CSMD1: variants seen among roughly 807,000 people sequenced by gnomAD.
CSMD1 encodes CUB and sushi domain-containing protein 1.
Under a neutral mutation model 417.5 loss-of-function variants are expected in CSMD1, and 213 were observed. That is an observed-to-expected ratio of 0.51 (90% CI 0.46 to 0.57). CSMD1 has a LOEUF of 0.57. Among genes scored for constraint, CSMD1 ranks in the 20% least tolerant of loss-of-function variants. CSMD1 has a pLI of 0.00. For synonymous variants in CSMD1, 2,862 were observed against 1,736.8 expected, an observed-to-expected ratio of 1.65 and a Z score of -16.11; for missense variants, 6,923 against 4,529.7, an observed-to-expected ratio of 1.53 and a Z score of -15.17.
intron 5 of CSMD1, among the ~76,000 whole-genome samples, chr8:3,856,520 T>C (rs1804322954): frequency 6.6e-6 from 1 of 152,242 alleles, no homozygotes; most frequent in South Asian, 2.1e-4. Context: ...CAAATGGAAA[T>C]CACGTAATAA....
At chr8:3,572,597 C>A (rs1799989713) in intron 10 of CSMD1, among the ~76,000 whole-genome samples, 1 of 152,286 alleles carries the variant, frequency 6.6e-6, no homozygotes. Flanking sequence ...CTAATTAATT[C>A]CTTTTAGCTA....
At chr8:3,386,605 G>T (rs1318564724) in intron 18 of CSMD1, among the ~76,000 whole-genome samples, 2 of 152,172 alleles carry the variant, frequency 1.3e-5, no homozygotes, top group Admixed American at 6.5e-5. Flanking sequence ...TTTAATGAAT[G>T]CATGCATCAT....
At chr8:4,110,575 T>C (rs1197610980) in intron 3 of CSMD1, among the ~76,000 whole-genome samples, 2 of 152,310 alleles carry the variant, frequency 1.3e-5, no homozygotes, top group East Asian at 1.9e-4. Flanking sequence ...CTAGTTTAAT[T>C]TTTAAACAGA....
chr8:3,298,763 T>C (rs1804160601), intron 25 of CSMD1, among the ~76,000 whole-genome samples: 1 of 152,210 alleles, frequency 6.6e-6, no homozygotes, highest in Non-Finnish European at 1.5e-5. Context: ...AATTATCTTT[T>C]ACATAAAATT....
intron 21 of CSMD1, among the ~76,000 whole-genome samples, chr8:3,356,706 A>G (rs990305527): frequency 2.0e-5 from 3 of 152,080 alleles, no homozygotes; most frequent in African/African-American, 7.2e-5. Context: ...AAAAAACGTA[A>G]TGGCAAAAAC....
intron 7 of CSMD1, among the ~76,000 whole-genome samples, chr8:3,705,182 T>C (rs1253845385): frequency 6.6e-6 from 1 of 152,188 alleles, no homozygotes; most frequent in Non-Finnish European, 1.5e-5. Context: ...GAGTCGCCAC[T>C]GAGCTGTGGC....
chr8:3,659,542 G>C (rs532097928), intron 7 of CSMD1, among the ~76,000 whole-genome samples: 9 of 152,120 alleles, frequency 5.9e-5, no homozygotes, highest in African/African-American at 1.9e-4. Context: ...GATGATCCTA[G>C]TTCTTTTTTT....
intron 3 of CSMD1, among the ~76,000 whole-genome samples, chr8:4,069,069 A>G (rs1386852570): frequency 6.6e-6 from 1 of 152,198 alleles, no homozygotes; most frequent in Non-Finnish European, 1.5e-5. Context: ...ACTCCTTCTT[A>G]AAACAATTTT....
intron 42 of CSMD1, among the ~76,000 whole-genome samples, chr8:3,111,370 G>T (rs1187659127): frequency 6.7e-6 from 1 of 150,080 alleles, no homozygotes; most frequent in Admixed American, 6.7e-5. Flanking sequence ...GGGACTGTAT[G>T]TAGAGACTAC....
chr8:4,612,337 G>T (rs902258428), intron 2 of CSMD1, among the ~76,000 whole-genome samples: 27 of 149,280 alleles, frequency 1.8e-4, no homozygotes, highest in Non-Finnish European at 3.4e-4. Context: ...TTACTTAGGA[G>T]CACTTTCAGA....
chr8:4,353,634 G>A (rs963995938), intron 3 of CSMD1, among the ~76,000 whole-genome samples: 8 of 151,784 alleles, frequency 5.3e-5, no homozygotes, highest in East Asian at 1.9e-4. Context: ...CACGCCCAAC[G>A]GGACAGGCTA....
chr8:3,229,588 T>G (rs2044109), intron 27 of CSMD1, among the ~76,000 whole-genome samples: 12,426 of 152,208 alleles, frequency 0.082, 680 homozygotes, highest in Admixed American at 0.14. Context: ...CAGTATAATT[T>G]CTAGTTTTCA....
At chr8:4,985,924 G>T (rs1811155696) in intron 1 of CSMD1, among the ~76,000 whole-genome samples, 1 of 152,176 alleles carries the variant, frequency 6.6e-6, no homozygotes, top group Non-Finnish European at 1.5e-5. Context: ...GGAGTGCGCA[G>T]AAATTGTCTG....
intron 25 of CSMD1, among the ~76,000 whole-genome samples, chr8:3,300,679 A>G (rs758493064): frequency 6.6e-5 from 10 of 152,138 alleles, no homozygotes; most frequent in Non-Finnish European, 1.2e-4. Flanking sequence ...AGAAATGGCC[A>G]GGCCTGGTGG....
intron 1 of CSMD1, among the ~76,000 whole-genome samples, chr8:4,690,147 C>G (rs547836259): frequency 2.0e-5 from 3 of 152,228 alleles, no homozygotes; most frequent in Admixed American, 2.0e-4. Context: ...TATTACAATG[C>G]TCATAATTTA....
intron 10 of CSMD1, among the ~76,000 whole-genome samples, chr8:3,558,124 AC>A (rs35439165): frequency 2.7e-4 from 41 of 150,774 alleles, no homozygotes; most frequent in East Asian, 5.9e-4. Context: ...CCTCAATGGT[AC>A]CCCGTGTCCA....
chr8:4,042,274 A>G (rs1797929518), intron 3 of CSMD1, among the ~76,000 whole-genome samples: 3 of 152,178 alleles, frequency 2.0e-5, no homozygotes, highest in South Asian at 4.1e-4. Flanking sequence ...AAAAATCTTT[A>G]AAGCATCCCT....
At chr8:4,616,838 G>T (rs1285139579) in intron 2 of CSMD1, among the ~76,000 whole-genome samples, 1 of 152,032 alleles carries the variant, frequency 6.6e-6, no homozygotes, top group Non-Finnish European at 1.5e-5. Context: ...GGTCTTCTGG[G>T]CTTATTCATT....
intron 21 of CSMD1, among the ~76,000 whole-genome samples, chr8:3,354,937 A>ATGTCTATCTATAGATC (rs1339389939): frequency 6.8e-4 from 102 of 150,526 alleles, no homozygotes; most frequent in African/African-American, 9.8e-4. Context: ...AGATATAGAT[A>ATGTCTATCTATAGATC]TATATAGAGA....
Sources: gnomAD v4.1 joint callset for allele counts (sites outside exome capture counted in the v4.1 genomes callset) on GRCh38, gnomAD v4.1.1 for gene constraint, MANE v1.5 for transcripts, NCBI Gene and HGNC (gene_info 2026-07-23, HGNC 2026-07-21) for gene names.